The following NUMB variants were observed in gnomAD, a reference collection of about 807,000 sequenced individuals.
The protein encoded by NUMB is NUMB endocytic adaptor protein, also known as protein numb homolog.
NUMB carries 29 observed loss-of-function variants against 59.7 expected under a neutral mutation model. That is an observed-to-expected ratio of 0.49 (90% CI 0.36 to 0.66). NUMB has a LOEUF of 0.66. NUMB is among the 30% of genes least tolerant of loss of function. The pLI is 0.00. For missense variants in NUMB, 723 were observed against 822.0 expected, an observed-to-expected ratio of 0.88 and a Z score of 1.47; for synonymous variants, 288 against 288.2, an observed-to-expected ratio of 1.00 and a Z score of 0.01.
At chr14:73,309,710 A>G (rs1890658872) in intron 6 of NUMB, among the ~76,000 whole-genome samples, 1 of 123,934 alleles carries the variant, frequency 8.1e-6, no homozygotes, top group African/African-American at 3.0e-5. Flanking sequence ...ATATCCCAGA[A>G]CTTAAGGTAT....
intron 4 of NUMB, among the ~76,000 whole-genome samples, chr14:73,324,176 T>C (rs1449211327): frequency 6.6e-6 from 1 of 152,206 alleles, no homozygotes. Flanking sequence ...CTATCACCTA[T>C]TCTTCTGAGG....
chr14:73,315,687 T>C (rs537670261), intron 6 of NUMB, among the ~76,000 whole-genome samples: 1 of 152,316 alleles, frequency 6.6e-6, no homozygotes, highest in South Asian at 2.1e-4. Context: ...GCACTGAATG[T>C]AAACTTTGGG....
intron 2 of NUMB, among the ~76,000 whole-genome samples, chr14:73,393,891 C>CT (rs1191172898): frequency 1.3e-5 from 2 of 152,108 alleles, no homozygotes; most frequent in Non-Finnish European, 2.9e-5. Context: ...AATATTAATA[C>CT]TTTTTTTGCA....
At chr14:73,374,225 G>A (rs1370207070) in intron 2 of NUMB, among the ~76,000 whole-genome samples, 1 of 152,018 alleles carries the variant, frequency 6.6e-6, no homozygotes, top group African/African-American at 2.4e-5. Flanking sequence ...CTACAATGTT[G>A]TCCAGGTTGG....
At chr14:73,426,069 A>G (rs146780907) in intron 1 of NUMB, among the ~76,000 whole-genome samples, 339 of 152,132 alleles carry the variant, frequency 2.2e-3, no homozygotes, top group Non-Finnish European at 3.9e-3. Flanking sequence ...CTTGGCCTCC[A>G]AAAGTGCTGG....
In NUMB at chr14:73,276,525, C is replaced by T; in HGVS notation, c.*53G>A. The stretch of plus-strand genomic sequence containing the variant: ...AAAGTCTGTTTTGCTCCTTTGACCG[C>T]TACCCCCTGCTCCCTGTCTGGTATG... On this transcript the variant is annotated 3_prime_UTR_variant, in exon 13 of 13. Coordinates refer to ENST00000555238, the MANE Select transcript of NUMB (RefSeq NM_001005743.2). The T allele has an allele frequency of 6.9e-7, 1 of 1,443,108 alleles. No individual in the cohort carries two copies. The highest frequency in any genetic ancestry group is 9.6e-7 in the Non-Finnish European group (1 of 1,046,944). 89.4% of individuals were successfully genotyped at this position (1,443,108 alleles called of 1,614,324 possible). A position where few individuals can be genotyped will look rare whatever the true frequency, so the allele number is the denominator to read the frequency against.
Position 73,431,675 on chromosome 14 carries a change from G to A in NUMB, c.-232-21607C>T, listed in dbSNP as rs544872673. Among the ~76,000 whole-genome samples the A allele has an allele frequency of 3.9e-4, 59 of 151,962 alleles. No homozygotes were observed. The South Asian group carries it at 0.012, about 31-fold the overall frequency. On this transcript the variant is annotated intron_variant, in intron 1 of 12. Transcript: ENST00000555238. ...GAGGCAGGAGAATTACTTGAACCCA[G>A]GAGGCAGAGGTTGCAGTGAGCTGAG...
intron 4 of NUMB, among the ~76,000 whole-genome samples, chr14:73,326,551 T>G (rs1594908101): frequency 6.6e-6 from 1 of 151,714 alleles, no homozygotes; most frequent in African/African-American, 2.4e-5. Context: ...TGCTTGAACC[T>G]GGCAGGCAGA....
At chr14:73,293,124 T>A (rs992722483) in intron 7 of NUMB, among the ~76,000 whole-genome samples, 1 of 152,192 alleles carries the variant, frequency 6.6e-6, no homozygotes, top group African/African-American at 2.4e-5. Context: ...TAGTTTTACA[T>A]CTCTTTCATG....
At chr14:73,456,283 A>AT (rs913505627) in intron 1 of NUMB, among the ~76,000 whole-genome samples, 8 of 151,580 alleles carry the variant, frequency 5.3e-5, no homozygotes, top group Admixed American at 2.6e-4. Flanking sequence ...CTAATTTTGT[A>AT]TTTTTTTTAA....
At chr14:73,454,136 CA>C (rs1884188394) in intron 1 of NUMB, among the ~76,000 whole-genome samples, 1 of 152,038 alleles carries the variant, frequency 6.6e-6, no homozygotes, top group Non-Finnish European at 1.5e-5. Flanking sequence ...AATCATACCT[CA>C]AACCTCAGCA....
chr14:73,301,916 A>C (rs1244689076), intron 6 of NUMB, among the ~76,000 whole-genome samples: 1 of 152,006 alleles, frequency 6.6e-6, no homozygotes, highest in Non-Finnish European at 1.5e-5. Flanking sequence ...CCCCATATCT[A>C]CTAAAAAATA....
chr14:73,350,580 C>T (rs1161832778), intron 4 of NUMB, among the ~76,000 whole-genome samples: 2 of 151,476 alleles, frequency 1.3e-5, no homozygotes, highest in Non-Finnish European at 2.9e-5. Context: ...CAGGGTCTCG[C>T]TCTGTTCCCT....
intron 6 of NUMB, among the ~76,000 whole-genome samples, chr14:73,311,989 T>C (rs190725654): frequency 7.3e-4 from 111 of 152,302 alleles, no homozygotes; most frequent in African/African-American, 2.5e-3. Context: ...GGTAAGATCA[T>C]GGGTAATACT....
intron 2 of NUMB, among the ~76,000 whole-genome samples, chr14:73,388,559 G>C (rs766318127): frequency 2.0e-5 from 3 of 151,658 alleles, no homozygotes; most frequent in Non-Finnish European, 4.4e-5. Context: ...AATCAACGTT[G>C]TTTCTTTATT....
rs563731469 is a variant in NUMB at position 73,291,774 on chromosome 14, C to T, written c.450+960G>A. On this transcript the variant is annotated intron_variant, in intron 8 of 12. Coordinates refer to ENST00000555238, the MANE Select transcript of NUMB (RefSeq NM_001005743.2). The stretch of plus-strand genomic sequence containing the variant: ...TCTCAGCTCACTGCAACCTCTACCT[C>T]CTGGGTTCAAGCGATTCTTCTGCCT... Among the ~76,000 whole-genome samples, 6 of 151,558 alleles carry T rather than the reference C, an allele frequency of 4.0e-5. No homozygotes were observed. In the East Asian group the frequency reaches 1.2e-3, roughly 30 times the overall value.
chr14:73,385,043 G>A (rs1895435570), intron 2 of NUMB, among the ~76,000 whole-genome samples: 1 of 151,942 alleles, frequency 6.6e-6, no homozygotes, highest in Non-Finnish European at 1.5e-5. Context: ...ACAGGCATGA[G>A]CCACCATGCC....
intron 4 of NUMB, among the ~76,000 whole-genome samples, chr14:73,342,017 C>G (rs1892660517): frequency 6.6e-6 from 1 of 152,148 alleles, no homozygotes; most frequent in African/African-American, 2.4e-5. Flanking sequence ...TTGAACTTCT[C>G]TCAAATACCT....
At chr14:73,408,250 ACGTT>A (rs1896764285) in intron 2 of NUMB, among the ~76,000 whole-genome samples, 1 of 51,824 alleles carries the variant, frequency 1.9e-5, no homozygotes, top group Non-Finnish European at 3.1e-5. Context: ...GAAAGAAAAA[ACGTT>A]AAGATATTTA....
Sources: allele counts gnomAD v4.1 joint callset (sites outside exome capture counted in the v4.1 genomes callset), GRCh38; gene constraint gnomAD v4.1.1; transcripts MANE v1.5; gene names NCBI Gene and HGNC (gene_info 2026-07-23, HGNC 2026-07-21).